Variants in CAPN13 observed in about 807,000 individuals in gnomAD.
The protein encoded by CAPN13 is calpain 13.
CAPN13 carries 90 observed loss-of-function variants against 98.4 expected under a neutral mutation model. The ratio of observed to expected loss-of-function variants is 0.92; its 90% CI spans 0.77 to 1.09. The LOEUF (loss-of-function observed/expected upper bound fraction) is 1.09. Among genes scored for constraint, CAPN13 ranks in the 50% least tolerant of loss-of-function variants. CAPN13 has a pLI of 0.00. For missense variants in CAPN13, 887 were observed against 841.3 expected, an observed-to-expected ratio of 1.05 and a Z score of -0.67; for synonymous variants, 330 against 305.5, an observed-to-expected ratio of 1.08 and a Z score of -0.84.
At chr2:30,777,307 C>T (rs1332667220) in intron 3 of CAPN13, among the ~76,000 whole-genome samples, 1 of 152,252 alleles carries the variant, frequency 6.6e-6, no homozygotes, top group Non-Finnish European at 1.5e-5. Flanking sequence ...TCCATTGTCA[C>T]ATATATAAAA....
At chr2:30,739,458 A>G (rs1671545277) in intron 15 of CAPN13, among the ~76,000 whole-genome samples, 1 of 152,066 alleles carries the variant, frequency 6.6e-6, no homozygotes, top group Admixed American at 6.5e-5. Context: ...GTCCTCACCT[A>G]GAAGGATGAC....
At chr2:30,744,774 C>T (rs1032504986) in intron 12 of CAPN13, among the ~76,000 whole-genome samples, 1 of 152,168 alleles carries the variant, frequency 6.6e-6, no homozygotes, top group African/African-American at 2.4e-5. Flanking sequence ...CCAGCATCAA[C>T]AAACCACACA....
intron 10 of CAPN13, among the ~76,000 whole-genome samples, chr2:30,752,350 T>A (rs1241937498): frequency 6.6e-6 from 1 of 152,158 alleles, no homozygotes; most frequent in Admixed American, 6.5e-5. Flanking sequence ...ATAAGCACAC[T>A]CTTGTTCGTC....
chr2:30,741,586 G>A lies in CAPN13; in HGVS notation c.1536+322C>T, dbSNP rs191801003. On this transcript the variant is annotated intron_variant, in intron 15 of 22. Transcript: ENST00000295055. ...GTGGGAGGTGGCCGAGTAGGAGAAG[G>A]AAAGGTTTCACGGGGTACTGCCAAT... 5.4e-5 allele frequency: 59 copies of A among 1,097,656 alleles called. 1 individual carries two copies. The highest frequency in any genetic ancestry group is 1.6e-4 in the South Asian group (5 of 30,622). 68.0% of individuals were successfully genotyped at this position (1,097,656 alleles called of 1,614,324 possible).
intron 15 of CAPN13, chr2:30,741,629 A>G: frequency 8.2e-7 from 1 of 1,213,802 alleles, no homozygotes; most frequent in East Asian, 4.0e-5. Flanking sequence ...TTAAAGATTT[A>G]GAGGGCAATG....
At chr2:30,757,618 G>A (rs781215881) in intron 8 of CAPN13, among the ~76,000 whole-genome samples, 3 of 152,196 alleles carry the variant, frequency 2.0e-5, no homozygotes, top group Non-Finnish European at 4.4e-5. Flanking sequence ...ACATGCTCAG[G>A]ATCAGAATCC....
intron 18 of CAPN13, among the ~76,000 whole-genome samples, chr2:30,735,556 C>A (rs1324428537): frequency 6.6e-6 from 1 of 152,130 alleles, no homozygotes; most frequent in African/African-American, 2.4e-5. Flanking sequence ...GTGTTTTAGC[C>A]ACTAGGGAGG....
chr2:30,773,569 A>G (rs1673521812), intron 4 of CAPN13, among the ~76,000 whole-genome samples: 2 of 152,254 alleles, frequency 1.3e-5, no homozygotes, highest in African/African-American at 2.4e-5. Context: ...CAATAGGAAT[A>G]TCAGGTAAAG....
rs1572840290 is a variant in CAPN13, at chr2:30,764,163, C to A, written c.668G>T (p.Gly223Val). ...VKAVKTATKA[G>V]SLITCATPSG... ...TGGAGTGGCACAGGTTATCAGGGAG[C>A]CTGCCTTGGTCGCTGTCTTCACTGC... The change falls in exon 6 of 23, where the codon GGC becomes GTC. Residue 223 changes from glycine to valine, a missense_variant. Physicochemically the swap from Gly to Val is moderately radical, Grantham distance 109 (BLOSUM62 -3). Transcript: ENST00000295055. 2 of 1,587,958 alleles carry A rather than the reference C, an allele frequency of 1.3e-6. No homozygotes were observed. The highest frequency in any genetic ancestry group is 1.7e-6 in the Non-Finnish European group (2 of 1,166,798).
chr2:30,777,756 C>A (rs1380087732), intron 2 of CAPN13, 117 bp from the exon 3 acceptor site: 7 of 850,948 alleles, frequency 8.2e-6, no homozygotes, highest in Non-Finnish European at 1.1e-5. Context: ...TGCTTAAAAT[C>A]CGAGTTAGGA....
In CAPN13 at chr2:30,738,387, G is replaced by C. The variant is rs1436959039; in HGVS notation, c.1594+13C>G. 3 of 1,610,048 alleles carry C rather than the reference G, an allele frequency of 1.9e-6. No homozygotes were observed. The South Asian group carries it at 3.3e-5, about 18-fold the overall frequency. ...AGGAGGATGGGGCCAGCTTGCCCTT[G>C]GGCTGCTCATACCTGTTAGAAGCTC... On this transcript the variant is annotated intron_variant, in intron 16 of 22. Coordinates refer to ENST00000295055, the MANE Select transcript of CAPN13 (RefSeq NM_144575.3).
intron 5 of CAPN13, among the ~76,000 whole-genome samples, chr2:30,766,897 A>C (rs1200028200): frequency 6.6e-6 from 1 of 152,176 alleles, no homozygotes; most frequent in Non-Finnish European, 1.5e-5. Context: ...AGGAGAATAG[A>C]AAGTTTAGAG....
intron 2 of CAPN13, among the ~76,000 whole-genome samples, chr2:30,786,143 A>G (rs1415909664): frequency 1.3e-5 from 2 of 152,218 alleles, no homozygotes; most frequent in Admixed American, 6.5e-5. Context: ...ATAGCCTCTT[A>G]GTAGTCACCA....
At chr2:30,746,860 G>A (rs935138580) in intron 11 of CAPN13, among the ~76,000 whole-genome samples, 2 of 152,200 alleles carry the variant, frequency 1.3e-5, no homozygotes. Context: ...GTGTCTGAGA[G>A]GAGGAGGTAT....
chr2:30,739,994 T>C (rs952496017), intron 15 of CAPN13, among the ~76,000 whole-genome samples: 5 of 152,126 alleles, frequency 3.3e-5, no homozygotes, highest in Non-Finnish European at 5.9e-5. Flanking sequence ...GGATCCTTCC[T>C]TTCCCACAGG....
At chr2:30,724,980 T>C (rs556065098) in intron 22 of CAPN13, among the ~76,000 whole-genome samples, 14 of 152,164 alleles carry the variant, frequency 9.2e-5, no homozygotes, top group Non-Finnish European at 2.1e-4. Flanking sequence ...TAGGAGAAGG[T>C]GGCCCTTTCC....
intron 22 of CAPN13, among the ~76,000 whole-genome samples, chr2:30,725,482 A>G (rs1049236361): frequency 1.3e-5 from 2 of 152,208 alleles, no homozygotes; most frequent in African/African-American, 4.8e-5. Flanking sequence ...TTGCCCGGTG[A>G]GTCCAAGGGC....
chr2:30,791,675 A>C (rs1376076986), intron 1 of CAPN13, among the ~76,000 whole-genome samples: 1 of 152,244 alleles, frequency 6.6e-6, no homozygotes, highest in Non-Finnish European at 1.5e-5. Context: ...ATAAGAGTTA[A>C]GTGACTTCAG....
At chr2:30,769,013 C>T (rs945784877) in intron 5 of CAPN13, among the ~76,000 whole-genome samples, 6 of 152,028 alleles carry the variant, frequency 3.9e-5, no homozygotes, top group Non-Finnish European at 7.4e-5. Flanking sequence ...GCTACACGCA[C>T]GTCTCACACC....
Sources: allele counts gnomAD v4.1 joint callset (sites outside exome capture counted in the v4.1 genomes callset), GRCh38; gene constraint gnomAD v4.1.1; transcripts MANE v1.5; gene names NCBI Gene and HGNC (gene_info 2026-07-23, HGNC 2026-07-21).